Variants in SYNJ1 observed in about 807,000 individuals in gnomAD.
SYNJ1 encodes the protein polyphosphatidylinositol phosphatase SYNJ1.
A neutral mutation model predicts 168.2 loss-of-function variants in SYNJ1; 78 were observed. The observed-to-expected ratio is 0.46, with a 90% confidence interval of 0.39 to 0.56. The LOEUF (loss-of-function observed/expected upper bound fraction) is 0.56, where lower values mean the gene tolerates loss of function less well. Ranked by LOEUF, SYNJ1 falls within the 20% of genes least tolerant of loss-of-function variation. The pLI is 0.00. For missense variants in SYNJ1, 1,303 were observed against 1,597.6 expected, an observed-to-expected ratio of 0.82 and a Z score of 3.14; for synonymous variants, 539 against 548.6, an observed-to-expected ratio of 0.98 and a Z score of 0.24.
At chr21:32,655,611 G>T (rs2040425935) in intron 21 of SYNJ1, among the ~76,000 whole-genome samples, 1 of 151,894 alleles carries the variant, frequency 6.6e-6, no homozygotes, top group South Asian at 2.1e-4. Context: ...TTCCCTACTA[G>T]ATTACAAGCA....
At chr21:32,674,309 C>T (rs2041319085) in intron 13 of SYNJ1, among the ~76,000 whole-genome samples, 1 of 152,362 alleles carries the variant, frequency 6.6e-6, no homozygotes, top group Non-Finnish European at 1.5e-5. Flanking sequence ...TCCTTCAAGT[C>T]TTTACTTTCC....
intron 27 of SYNJ1, 139 bp downstream of exon 27, chr21:32,643,271 A>G: frequency 1.3e-6 from 1 of 799,702 alleles, no homozygotes; most frequent in Non-Finnish European, 2.1e-6. Context: ...AGGTATACAT[A>G]AGGAGGGGAA....
chr21:32,701,924 G>GA (rs759143707), intron 3 of SYNJ1, 37 bp downstream of exon 3: 37 of 1,440,922 alleles, frequency 2.6e-5, no homozygotes, highest in Admixed American at 4.2e-5. Context: ...AAATAGAAAT[G>GA]AAAAAATGGA....
chr21:32,697,116 T>C (rs1421498416), intron 4 of SYNJ1, among the ~76,000 whole-genome samples: 1 of 152,214 alleles, frequency 6.6e-6, no homozygotes, highest in Admixed American at 6.5e-5. Flanking sequence ...TCAGTTTTCA[T>C]TTTTCTTTGC....
At chr21:32,681,691 TTAATTG>T (rs1401039802) in intron 10 of SYNJ1, 43 bp from the exon 11 acceptor site, 1 of 1,544,056 alleles carries the variant, frequency 6.5e-7, no homozygotes, top group Non-Finnish European at 8.7e-7. Flanking sequence ...CATTAATATA[TTAATTG>T]TAATATGGCT....
chr21:32,657,637 C>T (rs2040510666), intron 19 of SYNJ1, 79 bp downstream of exon 19: 5 of 1,307,312 alleles, frequency 3.8e-6, no homozygotes, highest in Admixed American at 2.7e-5. Flanking sequence ...CAATATTCTC[C>T]TCATTTGATA....
intron 18 of SYNJ1, 37 bp from the exon 19 acceptor site, chr21:32,657,909 C>A: frequency 6.5e-7 from 1 of 1,543,834 alleles, no homozygotes; most frequent in South Asian, 1.2e-5. Context: ...TATTCCCAAA[C>A]AGCAACAAGT....
chr21:32,634,685 A>G (rs2039484494), intron 32 of SYNJ1, among the ~76,000 whole-genome samples, 176 bp downstream of exon 32: 1 of 152,232 alleles, frequency 6.6e-6, no homozygotes, highest in Non-Finnish European at 1.5e-5. Flanking sequence ...CATGGTTCCT[A>G]AAATCCAAAA....
chr21:32,657,137 T>A lies in SYNJ1; in HGVS notation c.2462-17A>T. The A allele has an allele frequency of 6.6e-7, 1 of 1,521,700 alleles. No homozygotes were observed. Among genetic ancestry groups the A allele is most frequent in the African/African-American group, 1.4e-5 (1 of 72,986 alleles). 94.3% of individuals were successfully genotyped at this position (1,521,700 alleles called of 1,614,324 possible). ...GATCTTCAGCTGCAGTCAGAAGAAA[T>A]GAAAACACAAGAGAAGCTGTATAAG... On this transcript the variant is annotated splice_polypyrimidine_tract_variant and intron_variant, in intron 19 of 32. Transcript: ENST00000674351.
At chr21:32,697,738 T>C (rs1404182051) in intron 4 of SYNJ1, among the ~76,000 whole-genome samples, 2 of 152,208 alleles carry the variant, frequency 1.3e-5, no homozygotes, top group African/African-American at 4.8e-5. Context: ...GAGGTGAAGG[T>C]TGCAGTGAGC....
intron 24 of SYNJ1, 194 bp from the exon 25 acceptor site, chr21:32,645,983 T>TACCAAGTCAGC: frequency 1.1e-6 from 1 of 898,646 alleles, no homozygotes; most frequent in South Asian, 1.3e-5. Flanking sequence ...GCAATAATGC[T>TACCAAGTCAGC]ACCTCTGTGC....
At chr21:32,688,466 A>G in intron 6 of SYNJ1, 99 bp from the exon 7 acceptor site, 1 of 958,606 alleles carries the variant, frequency 1.0e-6, no homozygotes, top group Non-Finnish European at 1.6e-6. Context: ...TGCTGAACAC[A>G]CAGTCGTTAA....
At chr21:32,693,767 C>T (rs1027418781) in intron 6 of SYNJ1, among the ~76,000 whole-genome samples, 1 of 152,122 alleles carries the variant, frequency 6.6e-6, no homozygotes. Flanking sequence ...TCCCATTATA[C>T]AGATAAGGAA....
At chr21:32,633,917 G>A (rs541527162) in intron 32 of SYNJ1, among the ~76,000 whole-genome samples, 1 of 152,270 alleles carries the variant, frequency 6.6e-6, no homozygotes, top group African/African-American at 2.4e-5. Flanking sequence ...TCTTAGGTAA[G>A]TAGACCTATA....
At chr21:32,636,679 A>G (rs946437487) in intron 31 of SYNJ1, among the ~76,000 whole-genome samples, 3 of 152,088 alleles carry the variant, frequency 2.0e-5, no homozygotes, top group African/African-American at 7.2e-5. Flanking sequence ...ACAAAAAGAT[A>G]GAAAGACTCC....
chr21:32,702,545 C>CA lies in SYNJ1; in HGVS notation c.125-499dup, dbSNP rs552825183. ...TTATTCTATTGAGAAGAAAAAACAACAAAAAAAAATCAAATCCTGAAACGT... is the reference window on the plus strand; with the variant it reads ...TTATTCTATTGAGAAGAAAAAACAACAAAAAAAAAATCAAATCCTGAAACGT... On this transcript the variant is annotated intron_variant, in intron 2 of 32. Transcript: ENST00000674351. Among the ~76,000 whole-genome samples, 290 of 150,828 alleles carry CA rather than the reference C, an allele frequency of 1.9e-3. 2 individuals are homozygous for CA. The highest frequency in any genetic ancestry group is 6.0e-3 in the African/African-American group (248 of 41,170).
At chr21:32,684,853 G>A (rs1399910658) in intron 9 of SYNJ1, among the ~76,000 whole-genome samples, 1 of 152,166 alleles carries the variant, frequency 6.6e-6, no homozygotes, top group East Asian at 1.9e-4. Context: ...TAATAATAGA[G>A]TCTATCCCTA....
intron 2 of SYNJ1, among the ~76,000 whole-genome samples, chr21:32,706,403 C>A (rs2042610022): frequency 6.6e-6 from 1 of 151,072 alleles, no homozygotes; most frequent in Non-Finnish European, 1.5e-5. Flanking sequence ...GAATGTCTTT[C>A]TAGGAAATAC....
At chr21:32,708,620 A>T (rs1213368854) in intron 2 of SYNJ1, among the ~76,000 whole-genome samples, 2 of 152,258 alleles carry the variant, frequency 1.3e-5, no homozygotes, top group African/African-American at 4.8e-5. Flanking sequence ...GCTAAAGCAA[A>T]TTCCAACTTC....
Sources: allele counts gnomAD v4.1 joint callset (sites outside exome capture counted in the v4.1 genomes callset), GRCh38; gene constraint gnomAD v4.1.1; transcripts MANE v1.5; gene names NCBI Gene and HGNC (gene_info 2026-07-23, HGNC 2026-07-21).